The following MTTP variants were observed in gnomAD, a reference collection of about 807,000 sequenced individuals.
MTTP encodes microsomal triglyceride transfer protein.
MTTP carries 49 observed loss-of-function variants against 90.6 expected under a neutral mutation model. The ratio of observed to expected loss-of-function variants is 0.54; its 90% CI spans 0.43 to 0.69. The LOEUF is 0.69. Ranked by LOEUF, MTTP falls within the 30% of genes least tolerant of loss-of-function variation. The pLI, the probability that MTTP is intolerant of heterozygous loss-of-function variation, is 0.00. For missense variants in MTTP, 945 were observed against 1,067.5 expected (o/e 0.89, Z 1.60); for synonymous variants, 347 against 384.2 (o/e 0.90, Z 1.13).
intron 14 of MTTP, 42 bp from the exon 15 acceptor site, chr4:99,612,871 G>T: frequency 6.4e-7 from 1 of 1,551,544 alleles, no homozygotes. Flanking sequence ...TACAGAGCAG[G>T]CAGGGAGCTT....
chr4:99,606,439 A>C (rs184524353), intron 10 of MTTP, among the ~76,000 whole-genome samples: 33 of 152,300 alleles, frequency 2.2e-4, no homozygotes, highest in African/African-American at 7.5e-4. Context: ...CAGTTTTTTG[A>C]ATAACCAATC....
chr4:99,610,768 A>G (rs1725929500), intron 12 of MTTP, among the ~76,000 whole-genome samples: 1 of 152,188 alleles, frequency 6.6e-6, no homozygotes, highest in African/African-American at 2.4e-5. Flanking sequence ...ATTTAAAGAA[A>G]TATTGTGCAA....
At chr4:99,564,746 TGAATA>T (rs780964787) in intron 1 of MTTP, among the ~76,000 whole-genome samples, 23 of 152,330 alleles carry the variant, frequency 1.5e-4, no homozygotes, top group Non-Finnish European at 2.5e-4. Flanking sequence ...GTTTGCATCT[TGAATA>T]GAAGACTGGC....
upstream of MTTP, among the ~76,000 whole-genome samples, chr4:99,569,870 A>T (rs1418615307): frequency 6.6e-6 from 1 of 152,018 alleles, no homozygotes; most frequent in African/African-American, 2.4e-5. Context: ...AACTATACAA[A>T]ATACACACTT....
At chr4:99,592,642 C>T (rs1725459379) in intron 6 of MTTP, among the ~76,000 whole-genome samples, 1 of 152,040 alleles carries the variant, frequency 6.6e-6, no homozygotes, top group African/African-American at 2.4e-5. Context: ...CAGTGGAAGG[C>T]ACTTACAACC....
At chr4:99,580,071 A>G (rs1725067775) in intron 1 of MTTP, among the ~76,000 whole-genome samples, 1 of 150,420 alleles carries the variant, frequency 6.6e-6, no homozygotes, top group South Asian at 2.1e-4. Flanking sequence ...AGAAAGAAGA[A>G]GAAACTTTCT....
At chr4:99,579,036 TC>T (rs1202130351) in intron 1 of MTTP, among the ~76,000 whole-genome samples, 1 of 152,162 alleles carries the variant, frequency 6.6e-6, no homozygotes, top group Non-Finnish European at 1.5e-5. Context: ...TAAGAGGGAA[TC>T]CCAGTCTTCA....
At chr4:99,575,672 G>T (rs1332930599) in intron 1 of MTTP, among the ~76,000 whole-genome samples, 2 of 152,142 alleles carry the variant, frequency 1.3e-5, no homozygotes, top group African/African-American at 4.8e-5. Flanking sequence ...CATTTTATGA[G>T]GAATGGTTTC....
At position 99,583,494 on chromosome 4, in the gene MTTP, C is replaced by G; in HGVS notation, c.370C>G (p.Leu124Val). The change falls in exon 3 of 18, where the codon CTC becomes GTC. Residue 124 changes from leucine to valine, a missense_variant. Leu to Val is a conservative substitution (Grantham distance 32). Transcript: ENST00000265517. ...CTTGGAAGCTCTGCAAAGACCTACGCTCCTTCATCTAATCCATGGAAAGGT... is the reference window on the plus strand; with the variant it reads ...CTTGGAAGCTCTGCAAAGACCTACGGTCCTTCATCTAATCCATGGAAAGGT... ...ENLEALQRPTLLHLIHGKVKE... is the reference protein window; with the variant it reads ...ENLEALQRPTVLHLIHGKVKE... 3.1e-6 allele frequency: 5 copies of G among 1,613,646 alleles called. No homozygotes were observed. Among genetic ancestry groups the G allele is most frequent in the Non-Finnish European group, 4.2e-6 (5 of 1,179,818 alleles).
chr4:99,590,845 ACACACACACACACACACAC>A (rs1725397535), intron 4 of MTTP, among the ~76,000 whole-genome samples: 2 of 149,210 alleles, frequency 1.3e-5, no homozygotes, highest in East Asian at 3.9e-4. Context: ...TTACACACAC[ACACACACACACACACACAC>A]CACACACACA....
chr4:99,584,929 C>A (rs565645561), intron 3 of MTTP, among the ~76,000 whole-genome samples: 29 of 152,130 alleles, frequency 1.9e-4, no homozygotes, highest in Admixed American at 1.5e-3. Flanking sequence ...TCTCCGACAT[C>A]TTTCCAAACC....
At chr4:99,572,155 A>G (rs781329362), upstream of MTTP, among the ~76,000 whole-genome samples, 7 of 151,916 alleles carry the variant, frequency 4.6e-5, no homozygotes, top group Non-Finnish European at 8.8e-5. Flanking sequence ...TAGTCTCCTT[A>G]TTTATCAATG....
In MTTP at chr4:99,623,399, A is replaced by C. The variant is rs908026343; in HGVS notation, c.*551A>C. 1.3e-5 allele frequency: 2 copies of C among 159,540 alleles called. No individual in the cohort carries two copies. Among genetic ancestry groups the C allele is most frequent in the African/African-American group, 4.8e-5 (2 of 41,432 alleles). 9.9% of individuals were successfully genotyped at this position (159,540 alleles called of 1,614,324 possible). Reference sequence around the variant, plus strand: ...TTAAAAGACTTGTTAGCCAACTTCAAGAATTAATATTTATGTCTCTGTTAT... The same window carrying C: ...TTAAAAGACTTGTTAGCCAACTTCACGAATTAATATTTATGTCTCTGTTAT... On this transcript the variant is annotated 3_prime_UTR_variant, in exon 18 of 18. Transcript: ENST00000265517.
At chr4:99,565,793 G>T (rs904643271) in intron 1 of MTTP, among the ~76,000 whole-genome samples, 5 of 152,158 alleles carry the variant, frequency 3.3e-5, no homozygotes, top group African/African-American at 1.2e-4. Context: ...GAGTTGTACA[G>T]GTGTCAGAAA....
intron 10 of MTTP, among the ~76,000 whole-genome samples, chr4:99,605,941 G>A (rs1725807347): frequency 6.6e-6 from 1 of 150,880 alleles, no homozygotes; most frequent in South Asian, 2.1e-4. Flanking sequence ...CAGAGGTTAT[G>A]AATCCTGTGG....
At chr4:99,611,573 C>T in intron 14 of MTTP, 120 bp downstream of exon 14, 2 of 1,367,716 alleles carry the variant, frequency 1.5e-6, no homozygotes, top group Middle Eastern at 2.5e-4. Flanking sequence ...TGGCTTCTGT[C>T]ATATTTTGCC....
Position 99,589,031 on chromosome 4 carries a change from A to ATT in MTTP, c.394-612_394-611insTT, listed in dbSNP as rs1491549156. Among the ~76,000 whole-genome samples, 24 of 3,084 alleles carry ATT rather than the reference A, an allele frequency of 7.8e-3. 4 individuals are homozygous for ATT. Among genetic ancestry groups the ATT allele is most frequent in the Non-Finnish European group, 0.013 (20 of 1,594 alleles). 2.0% of individuals were successfully genotyped at this position (3,084 alleles called of 152,430 possible). On this transcript the variant is annotated intron_variant, in intron 3 of 17. Transcript: ENST00000265517. ...CACACATATATATGTTCATATATAT[A>ATT]CACACATATATATGTTCATATATAT...
rs765429015 is a variant in MTTP at position 99,608,953 on chromosome 4, T to C, written c.1745T>C (p.Ile582Thr). ...NKYMLAIVQD[I>T]LRFEMPASKI... Reference sequence around the variant, plus strand: ...TACATGCTCGCCATTGTTCAAGACATCCTACGTTTTGAAATGCCTGCAAGG... The same window carrying C: ...TACATGCTCGCCATTGTTCAAGACACCCTACGTTTTGAAATGCCTGCAAGG... Residue 582 changes from isoleucine (I) to threonine (T), a missense_variant, in exon 12 of 18, where the codon ATC becomes ACC. Physicochemically the swap from Ile to Thr is moderately conservative, Grantham distance 89. Transcript: ENST00000265517. 1.2e-6 allele frequency: 2 copies of C among 1,614,132 alleles called. No individual in the cohort carries two copies. Among genetic ancestry groups the C allele is most frequent in the Non-Finnish European group, 1.7e-6 (2 of 1,179,988 alleles).
chr4:99,574,693 G>A, upstream of MTTP: 1 of 1,076,016 alleles, frequency 9.3e-7, no homozygotes, highest in Non-Finnish European at 1.4e-6. Flanking sequence ...GTGAGAGACT[G>A]AAAACTGCAG....
Sources: gnomAD v4.1 joint callset for allele counts (sites outside exome capture counted in the v4.1 genomes callset) on GRCh38, gnomAD v4.1.1 for gene constraint, MANE v1.5 for transcripts, NCBI Gene and HGNC (gene_info 2026-07-23, HGNC 2026-07-21) for gene names.